The following TCF12 variants were observed in gnomAD, a reference collection of about 807,000 sequenced individuals.
TCF12 encodes DNA-binding protein HTF4.
TCF12 carries 45 observed loss-of-function variants against 86.0 expected under a neutral mutation model. That is an observed-to-expected ratio of 0.52 (90% CI 0.41 to 0.67). The LOEUF is 0.67. Among genes scored for constraint, TCF12 ranks in the 30% least tolerant of loss-of-function variants. The pLI is 0.00. For synonymous variants in TCF12, 330 were observed against 299.6 expected, an observed-to-expected ratio of 1.10 and a Z score of -1.05; for missense variants, 881 against 859.9, an observed-to-expected ratio of 1.02 and a Z score of -0.31.
At chr15:56,979,063 A>T (rs1419685403) in intron 3 of TCF12, among the ~76,000 whole-genome samples, 1 of 152,178 alleles carries the variant, frequency 6.6e-6, no homozygotes, top group Non-Finnish European at 1.5e-5. Context: ...TTTATAGAAC[A>T]TGCAGTGTTT....
rs2062006650 is a variant in TCF12, at chr15:57,288,577, C to T, written c.*2432C>T. 6.6e-6 allele frequency: 1 copy of T among 152,004 alleles called. No individual in the cohort carries two copies. The allele number at this position is 152,004 out of a possible 1,614,324, so 9.4% of individuals were successfully genotyped here. The stretch of plus-strand genomic sequence containing the variant: ...ATAATGTATTTTGTTTTATTTTCTC[C>T]ATCTCATTCGTCCCAGAAACACTCA... On this transcript the variant is annotated 3_prime_UTR_variant, in exon 21 of 21. Transcript: ENST00000333725.
chr15:57,222,797 T>C lies in TCF12; in HGVS notation c.580-8355T>C, dbSNP rs1597416250. On this transcript the variant is annotated intron_variant, in intron 8 of 20. Coordinates refer to ENST00000333725, the MANE Select transcript of TCF12 (RefSeq NM_207037.2). The stretch of plus-strand genomic sequence containing the variant: ...TTTTTTTTTTTTTTTTTTTTTTTAC[T>C]TTTAAGATTCTGGAGTGCCTTACTC... Among the ~76,000 whole-genome samples, 8 of 101,420 alleles carry C rather than the reference T, an allele frequency of 7.9e-5. No individual in the cohort carries two copies. The Admixed American group carries it at 9.5e-4, about 12-fold the overall frequency. 66.5% of individuals were successfully genotyped at this position (101,420 alleles called of 152,430 possible).
intron 3 of TCF12, among the ~76,000 whole-genome samples, chr15:57,033,319 A>G (rs1325748423): frequency 1.3e-5 from 2 of 152,176 alleles, no homozygotes; most frequent in Non-Finnish European, 1.5e-5. Flanking sequence ...CATTAAAGTG[A>G]AAAAAGTCAA....
intron 7 of TCF12, among the ~76,000 whole-genome samples, chr15:57,195,377 A>G (rs1477332786): frequency 1.3e-5 from 2 of 152,210 alleles, no homozygotes; most frequent in African/African-American, 4.8e-5. Context: ...ATCTTTTACT[A>G]ATAATGACCT....
intron 3 of TCF12, among the ~76,000 whole-genome samples, chr15:56,965,173 C>T (rs1275177609): frequency 2.0e-5 from 3 of 152,062 alleles, no homozygotes; most frequent in African/African-American, 7.2e-5. Context: ...AGTATCATTT[C>T]TATGTTATAT....
intron 3 of TCF12, among the ~76,000 whole-genome samples, chr15:56,932,850 ATTTATT>A (rs1429977719): frequency 6.6e-6 from 1 of 152,152 alleles, no homozygotes; most frequent in African/African-American, 2.4e-5. Context: ...TGCCTGGCCG[ATTTATT>A]TTTATTAAGG....
chr15:56,945,159 A>G (rs993550518), intron 3 of TCF12, among the ~76,000 whole-genome samples: 3 of 152,112 alleles, frequency 2.0e-5, no homozygotes, highest in Non-Finnish European at 4.4e-5. Flanking sequence ...ATAGTGATTG[A>G]TTTTTATATT....
chr15:57,045,783 C>A (rs1287730162), intron 3 of TCF12, among the ~76,000 whole-genome samples: 1 of 152,012 alleles, frequency 6.6e-6, no homozygotes, highest in African/African-American at 2.4e-5. Flanking sequence ...TGGACCCAAG[C>A]GATGTGCCCT....
chr15:57,198,729 G>A (rs1271229320), intron 8 of TCF12, among the ~76,000 whole-genome samples: 1 of 144,612 alleles, frequency 6.9e-6, no homozygotes, highest in African/African-American at 2.5e-5. Flanking sequence ...TTTTTGTTGT[G>A]TAAATGGATG....
chr15:57,175,207 G>T (rs527844917), intron 6 of TCF12, among the ~76,000 whole-genome samples: 5 of 152,140 alleles, frequency 3.3e-5, no homozygotes, highest in Admixed American at 6.5e-5. Context: ...TTAACTGCAG[G>T]TGGTGGTGTG....
intron 3 of TCF12, among the ~76,000 whole-genome samples, chr15:56,956,001 G>A (rs2061492448): frequency 6.6e-6 from 1 of 151,594 alleles, no homozygotes; most frequent in Admixed American, 6.6e-5. Flanking sequence ...CTTTTTTTCT[G>A]ATAATGGCTT....
chr15:57,201,733 G>T (rs1318653592), intron 8 of TCF12, among the ~76,000 whole-genome samples: 4 of 152,104 alleles, frequency 2.6e-5, no homozygotes, highest in Admixed American at 6.5e-5. Flanking sequence ...GTTTCCAAAG[G>T]CATGGGTGGT....
intron 13 of TCF12, among the ~76,000 whole-genome samples, chr15:57,250,788 C>T (rs1283143592): frequency 2.0e-5 from 3 of 149,366 alleles, no homozygotes; most frequent in Admixed American, 6.8e-5. Flanking sequence ...CCCAGCTACT[C>T]GGGAGGCAGA....
intron 13 of TCF12, among the ~76,000 whole-genome samples, chr15:57,245,541 A>G (rs1335129955): frequency 6.6e-6 from 1 of 152,186 alleles, no homozygotes. Flanking sequence ...TCTGTGTAGT[A>G]AGATAGCTGC....
chr15:57,178,644 G>C (rs371663834), intron 6 of TCF12, among the ~76,000 whole-genome samples: 2 of 152,140 alleles, frequency 1.3e-5, no homozygotes, highest in East Asian at 3.9e-4. Context: ...AAGAAAAGGC[G>C]CAAAGGCATA....
At chr15:57,065,574 G>T (rs1463898706) in intron 4 of TCF12, among the ~76,000 whole-genome samples, 1 of 152,014 alleles carries the variant, frequency 6.6e-6, no homozygotes, top group East Asian at 1.9e-4. Flanking sequence ...TGCATTAAAT[G>T]GTGCCTGGGT....
At chr15:57,066,690 A>G (rs2068905491) in intron 4 of TCF12, among the ~76,000 whole-genome samples, 1 of 152,176 alleles carries the variant, frequency 6.6e-6, no homozygotes. Flanking sequence ...CTTAACATGA[A>G]TTGAACTATC....
chr15:57,214,157 C>A (rs12914418), intron 8 of TCF12: 1 of 152,030 alleles, frequency 6.6e-6, no homozygotes, highest in Non-Finnish European at 1.5e-5. Context: ...GGGACCCCCC[C>A]TCTTTAATTT....
chr15:57,144,502 T>C (rs2053219156), intron 5 of TCF12, among the ~76,000 whole-genome samples: 1 of 152,256 alleles, frequency 6.6e-6, no homozygotes, highest in South Asian at 2.1e-4. Flanking sequence ...TCTTACACTT[T>C]ATAGGCTTTC....
Sources: allele counts gnomAD v4.1 joint callset (sites outside exome capture counted in the v4.1 genomes callset), GRCh38; gene constraint gnomAD v4.1.1; transcripts MANE v1.5; gene names NCBI Gene and HGNC (gene_info 2026-07-23, HGNC 2026-07-21).